Variants in TRPS1 observed in about 807,000 individuals in gnomAD.
The protein encoded by TRPS1 is transcriptional repressor GATA binding 1, also known as zinc finger transcription factor Trps1.
A neutral mutation model predicts 101.2 loss-of-function variants in TRPS1; 6 were observed. The observed-to-expected ratio is 0.06, with a 90% CI of 0.03 to 0.12. TRPS1 has a LOEUF of 0.12. Among genes scored for constraint, TRPS1 ranks in the 10% least tolerant of loss-of-function variants. TRPS1 has a pLI of 1.00. For missense variants in TRPS1, 1,363 were observed against 1,567.0 expected (o/e 0.87, Z 2.20); for synonymous variants, 578 against 589.8 (o/e 0.98, Z 0.29).
chr8:115,540,074 A>G (rs1308318262), intron 5 of TRPS1, among the ~76,000 whole-genome samples: 1 of 152,176 alleles, frequency 6.6e-6, no homozygotes, highest in Non-Finnish European at 1.5e-5. Flanking sequence ...TCTATCCCAC[A>G]TTCTTTTCTC....
intron 2 of TRPS1, 135 bp from the exon 3 acceptor site, chr8:115,620,195 ACCCATTCT>A: frequency 1.2e-5 from 8 of 675,158 alleles, no homozygotes; most frequent in Non-Finnish European, 1.8e-5. Flanking sequence ...AAAAAAAAAA[ACCCATTCT>A]AAAAACAGCA....
At chr8:115,435,998 TCACACACACACACACACACACA>T (rs4027183) in intron 5 of TRPS1, among the ~76,000 whole-genome samples, 3 of 134,012 alleles carry the variant, frequency 2.2e-5, no homozygotes, top group African/African-American at 5.8e-5. Flanking sequence ...AAATGAGAAA[TCACACACACACACACACACACA>T]CACACACACA....
At chr8:115,543,859 T>C (rs1816510935) in intron 5 of TRPS1, among the ~76,000 whole-genome samples, 1 of 86,244 alleles carries the variant, frequency 1.2e-5, no homozygotes, top group Non-Finnish European at 2.2e-5. Context: ...AGAAGTGATT[T>C]CTCTGAAATT....
At chr8:115,574,345 A>G (rs1374015983) in intron 5 of TRPS1, among the ~76,000 whole-genome samples, 1 of 152,160 alleles carries the variant, frequency 6.6e-6, no homozygotes, top group African/African-American at 2.4e-5. Context: ...CCATATGAAT[A>G]CCAATATATT....
Position 115,477,094 on chromosome 8 carries a change from T to C in TRPS1, c.2701-58642A>G, listed in dbSNP as rs139928852. ...ATCCACATCCTATCATTTAAAAAAG[T>C]GGGAATAAAAAAATTTGAAACATTT... On this transcript the variant is annotated intron_variant, in intron 5 of 6. Coordinates refer to ENST00000395715, the MANE Select transcript of TRPS1 (RefSeq NM_014112.5). Among the ~76,000 whole-genome samples, 1,230 of 152,020 alleles carry C rather than the reference T, an allele frequency of 8.1e-3. 19 individuals are homozygous for C. Among genetic ancestry groups the C allele is most frequent in the African/African-American group, 0.028 (1,166 of 41,452 alleles).
At chr8:115,628,838 A>C (rs909561120) in intron 1 of TRPS1, among the ~76,000 whole-genome samples, 2 of 151,806 alleles carry the variant, frequency 1.3e-5, no homozygotes, top group African/African-American at 4.8e-5. Context: ...TATTAGCTTC[A>C]AAAAAAGAAA....
intron 5 of TRPS1, among the ~76,000 whole-genome samples, chr8:115,527,848 G>A (rs554033416): frequency 1.2e-4 from 19 of 152,132 alleles, no homozygotes; most frequent in Non-Finnish European, 2.1e-4. Flanking sequence ...AAAATCGAAC[G>A]GTCATGGTTA....
chr8:115,609,210 T>C (rs889762208), intron 3 of TRPS1, among the ~76,000 whole-genome samples: 1 of 152,150 alleles, frequency 6.6e-6, no homozygotes, highest in Non-Finnish European at 1.5e-5. Flanking sequence ...AACAGTAACA[T>C]GTGCATAGGT....
At chr8:115,596,552 G>C (rs1586440284) in intron 4 of TRPS1, among the ~76,000 whole-genome samples, 1 of 151,910 alleles carries the variant, frequency 6.6e-6, no homozygotes, top group African/African-American at 2.4e-5. Flanking sequence ...CGTGTGTAGA[G>C]AGGAAGAGAT....
chr8:115,574,931 AG>A (rs1817282544), intron 5 of TRPS1, among the ~76,000 whole-genome samples: 1 of 152,272 alleles, frequency 6.6e-6, no homozygotes, highest in East Asian at 1.9e-4. Flanking sequence ...AAAAAACTTC[AG>A]GGTTTCTATT....
intron 2 of TRPS1, among the ~76,000 whole-genome samples, chr8:115,621,686 G>A (rs187621102): frequency 7.9e-5 from 12 of 152,200 alleles, no homozygotes; most frequent in Non-Finnish European, 1.5e-4. Context: ...AGGCCACGGC[G>A]GGTGGATCAC....
intron 5 of TRPS1, among the ~76,000 whole-genome samples, chr8:115,461,256 G>A (rs574697522): frequency 1.5e-5 from 1 of 67,196 alleles, no homozygotes; most frequent in South Asian, 4.0e-4. Context: ...GACAAGGATA[G>A]ATAGATAGAT....
At chr8:115,429,975 C>T (rs57866739) in intron 5 of TRPS1, among the ~76,000 whole-genome samples, 32 of 152,162 alleles carry the variant, frequency 2.1e-4, no homozygotes, top group African/African-American at 7.5e-4. Context: ...TTACCAAGCT[C>T]TTAAAGATAT....
intron 3 of TRPS1, 127 bp from the exon 4 acceptor site, chr8:115,605,129 T>C (rs1180297549): frequency 9.8e-6 from 8 of 812,714 alleles, no homozygotes; most frequent in African/African-American, 1.7e-5. Context: ...CTGCTTATTA[T>C]GAAATCACTT....
At chr8:115,496,318 T>C (rs1314165872) in intron 5 of TRPS1, among the ~76,000 whole-genome samples, 1 of 152,152 alleles carries the variant, frequency 6.6e-6, no homozygotes, top group Non-Finnish European at 1.5e-5. Flanking sequence ...TGGGTTGTCT[T>C]TCAAAATAAA....
intron 5 of TRPS1, among the ~76,000 whole-genome samples, chr8:115,533,432 ATC>A (rs1816185202): frequency 2.4e-5 from 1 of 41,332 alleles, no homozygotes; most frequent in Non-Finnish European, 4.5e-5. Context: ...CCCACATGTA[ATC>A]TGTTTTTTTT....
At chr8:115,584,758 T>C (rs895140357) in intron 5 of TRPS1, among the ~76,000 whole-genome samples, 9 of 152,008 alleles carry the variant, frequency 5.9e-5, no homozygotes, top group Admixed American at 5.2e-4. Context: ...ATGGGCTGTT[T>C]CTTAATTCTG....
At chr8:115,633,730 A>T (rs554117815) in intron 1 of TRPS1, among the ~76,000 whole-genome samples, 11 of 152,250 alleles carry the variant, frequency 7.2e-5, no homozygotes, top group African/African-American at 2.6e-4. Flanking sequence ...AAAATTCTGA[A>T]TATTTTTATA....
Position 115,414,797 on chromosome 8 carries a change from T to G in TRPS1, c.3111A>C (p.Gln1037His), listed in dbSNP as rs1229108887. ...HSAQQPVLVSQTLDIHKRMQP... is the reference protein window; with the variant it reads ...HSAQQPVLVSHTLDIHKRMQP... The stretch of plus-strand genomic sequence containing the variant: ...GCATCCTTTTGTGAATATCCAGAGT[T>G]TGGCTGACCAGGACTGGCTGCTGAG... Residue 1037 changes from glutamine (Q) to histidine (H), a missense_variant, in exon 7 of 7, where the codon CAA becomes CAC. Coordinates refer to ENST00000395715, the MANE Select transcript of TRPS1 (RefSeq NM_014112.5). This position sits in a 1 kb window ranked among gnomAD's most constrained non-coding sequence, Gnocchi z 4.8. 2 of 1,613,948 alleles carry G rather than the reference T, an allele frequency of 1.2e-6. No homozygotes were observed. Among genetic ancestry groups the G allele is most frequent in the East Asian group, 4.5e-5 (2 of 44,886 alleles).
Sources: allele counts gnomAD v4.1 joint callset (sites outside exome capture counted in the v4.1 genomes callset), GRCh38; gene constraint gnomAD v4.1.1; non-coding constraint Gnocchi (gnomAD v3.1); transcripts MANE v1.5; gene names NCBI Gene and HGNC (gene_info 2026-07-23, HGNC 2026-07-21).